Variants in RHPN2 observed in about 807,000 individuals in gnomAD.
RHPN2 encodes the protein rhophilin Rho GTPase binding protein 2.
A neutral mutation model predicts 79.0 loss-of-function variants in RHPN2; 40 were observed. The ratio of observed to expected loss-of-function variants is 0.51; its 90% CI spans 0.39 to 0.66. The LOEUF (loss-of-function observed/expected upper bound fraction) is 0.66. RHPN2 is among the 30% of genes least tolerant of loss of function. The pLI, the probability that RHPN2 is intolerant of heterozygous loss-of-function variation, is 0.00. For missense variants in RHPN2, 686 were observed against 883.5 expected (o/e 0.78, Z 2.83); for synonymous variants, 285 against 363.5 (o/e 0.78, Z 2.46).
At chr19:33,013,263 C>T (rs1971851562) in intron 4 of RHPN2, among the ~76,000 whole-genome samples, 2 of 151,902 alleles carry the variant, frequency 1.3e-5, no homozygotes, top group Non-Finnish European at 2.9e-5. Flanking sequence ...CTTGCGATCT[C>T]GGCTCACTGC....
At chr19:33,064,756 C>T (rs1972313174) in intron 1 of RHPN2, 28 bp downstream of exon 1, 2 of 549,262 alleles carry the variant, frequency 3.6e-6, no homozygotes, top group African/African-American at 2.1e-5. Flanking sequence ...GCCCGCAGGT[C>T]CCCGCCCGCC....
intron 3 of RHPN2, among the ~76,000 whole-genome samples, chr19:33,023,151 C>T (rs1165220471): frequency 6.6e-6 from 1 of 152,084 alleles, no homozygotes; most frequent in East Asian, 1.9e-4. Flanking sequence ...CACAGTAGTG[C>T]AGGCCAGGTG....
chr19:33,001,865 A>C (rs1477074115), intron 9 of RHPN2, among the ~76,000 whole-genome samples: 1 of 152,166 alleles, frequency 6.6e-6, no homozygotes, highest in Non-Finnish European at 1.5e-5. Flanking sequence ...TGGCCTCCCA[A>C]AGTGCTGAGA....
intron 7 of RHPN2, among the ~76,000 whole-genome samples, chr19:33,005,286 G>A (rs1389242934): frequency 6.6e-5 from 10 of 151,438 alleles, no homozygotes; most frequent in East Asian, 3.9e-4. Flanking sequence ...GGTGGTGCAC[G>A]CCTATAATCC....
intron 7 of RHPN2, among the ~76,000 whole-genome samples, chr19:33,006,677 G>C (rs1037177523): frequency 6.6e-6 from 1 of 152,182 alleles, no homozygotes; most frequent in Non-Finnish European, 1.5e-5. Flanking sequence ...GCCCTGCTAT[G>C]GGGGAGCAAG....
chr19:33,057,146 G>A (rs562939664), intron 1 of RHPN2, among the ~76,000 whole-genome samples: 4 of 132,618 alleles, frequency 3.0e-5, no homozygotes, highest in Non-Finnish European at 6.1e-5. Flanking sequence ...AGAGTTCGAG[G>A]CCAGCCCAGG....
intron 7 of RHPN2, among the ~76,000 whole-genome samples, chr19:33,005,412 CAAAAAAAAAAAAAAA>C (rs766044835): frequency 1.6e-5 from 1 of 62,726 alleles, no homozygotes; most frequent in Non-Finnish European, 2.8e-5. Context: ...GATTCTGTCT[CAAAAAAAAAAAAAAA>C]AAAAAAAAAA....
At chr19:33,000,223 T>A (rs924746994) in intron 9 of RHPN2, among the ~76,000 whole-genome samples, 1 of 8,124 alleles carries the variant, frequency 1.2e-4, no homozygotes, top group Admixed American at 7.1e-4. Flanking sequence ...GGTTCATAAT[T>A]TTTTTTTTTT....
chr19:33,030,825 C>T (rs1327029644), intron 2 of RHPN2, among the ~76,000 whole-genome samples: 1 of 152,112 alleles, frequency 6.6e-6, no homozygotes, highest in East Asian at 1.9e-4. Context: ...CGATTCTGAC[C>T]CCAGCTCCCG....
Position 32,990,567 on chromosome 19 carries a change from C to T in RHPN2, c.1747G>A (p.Glu583Lys), listed in dbSNP as rs141778903. ...EVMKLLKSFG[E>K]DEIEMKVVSL... ...ACGACTTTCATCTCGATCTCGTCCT[C>T]GCCAAAGCTCTTCAGCAGCTTCATA... Residue 583 changes from glutamate (E) to lysine (K), a missense_variant, in exon 14 of 15, where the codon GAG becomes AAG. Physicochemically the swap from Glu to Lys is moderately conservative, Grantham distance 56. Coordinates refer to ENST00000254260, the MANE Select transcript of RHPN2 (RefSeq NM_033103.5). The T allele has an allele frequency of 1.6e-4, 253 of 1,613,872 alleles. No homozygotes were observed. In the East Asian group the frequency reaches 5.2e-3, roughly 33 times the overall value.
At chr19:33,043,691 T>C (rs1313754772) in intron 2 of RHPN2, among the ~76,000 whole-genome samples, 2 of 152,186 alleles carry the variant, frequency 1.3e-5, no homozygotes, top group Non-Finnish European at 2.9e-5. Context: ...AGAGGGTTTA[T>C]AGAGGTCTAG....
At chr19:33,022,509 G>A (rs1159213640) in intron 3 of RHPN2, among the ~76,000 whole-genome samples, 3 of 152,116 alleles carry the variant, frequency 2.0e-5, no homozygotes, top group Non-Finnish European at 4.4e-5. Context: ...AGGAGATGCC[G>A]TCAGGGCAGA....
rs757081366 is a variant in RHPN2, at chr19:33,002,859, C to A, written c.902G>T (p.Arg301Leu). Residue 301 changes from arginine (R) to leucine (L), a missense_variant, in exon 8 of 15, where the codon CGG becomes CTG. Physicochemically the swap from Arg to Leu is moderately radical, Grantham distance 102 (BLOSUM62 -2). Coordinates refer to ENST00000254260, the MANE Select transcript of RHPN2 (RefSeq NM_033103.5). ...CTTCACCAGCATGAAGAATTCATTC[C>A]GGATCCCAGGAAGGCTGATTTTCTC... is the stretch of plus-strand genomic sequence containing the variant. ...VFEKISLPGI[R>L]NEFFMLVKVA... 1.4e-5 allele frequency: 23 copies of A among 1,613,770 alleles called. No homozygotes were observed. The highest frequency in any genetic ancestry group is 1.9e-5 in the Non-Finnish European group (22 of 1,179,860).
intron 10 of RHPN2, among the ~76,000 whole-genome samples, chr19:32,998,272 G>A (rs1447512961): frequency 6.6e-6 from 1 of 152,174 alleles, no homozygotes; most frequent in African/African-American, 2.4e-5. Context: ...CAGGGCAGCA[G>A]GATTAAAGTG....
rs182343697 is a variant in RHPN2 at position 33,027,180 on chromosome 19, T to C, written c.186-548A>G. 69 of 157,430 alleles carry C rather than the reference T, an allele frequency of 4.4e-4. 1 individual carries two copies. The highest frequency in any genetic ancestry group is 1.6e-3 in the African/African-American group (56 of 34,552). 9.8% of individuals were successfully genotyped at this position (157,430 alleles called of 1,614,324 possible). ...AAGGCTGAGGCTTGAACCTGGGAGA[T>C]AGGGGTTGCAGTGAGCTGAGATTAT... On this transcript the variant is annotated intron_variant, in intron 2 of 14. Transcript: ENST00000254260.
chr19:32,981,736 T>C (rs1217144399), intron 14 of RHPN2, among the ~76,000 whole-genome samples: 2 of 146,796 alleles, frequency 1.4e-5, no homozygotes, highest in African/African-American at 5.1e-5. Context: ...AGATGGAGTC[T>C]CGCTCTGTCG....
chr19:32,986,034 A>G (rs931324129), intron 14 of RHPN2, among the ~76,000 whole-genome samples: 1 of 152,208 alleles, frequency 6.6e-6, no homozygotes, highest in Non-Finnish European at 1.5e-5. Flanking sequence ...GTGGATTGAA[A>G]TGTAGCTCCT....
At chr19:33,025,697 C>A (rs1007809945) in intron 3 of RHPN2, among the ~76,000 whole-genome samples, 2 of 152,178 alleles carry the variant, frequency 1.3e-5, no homozygotes, top group Admixed American at 6.5e-5. Flanking sequence ...GCTTTTTGTT[C>A]CTTGGCAAAT....
intron 11 of RHPN2, 78 bp from the exon 12 acceptor site, chr19:32,994,131 C>G: frequency 9.3e-7 from 1 of 1,079,860 alleles, no homozygotes; most frequent in Non-Finnish European, 1.4e-6. Context: ...TGTTGTGGCT[C>G]ACGCCTGTAA....
Sources: gnomAD v4.1 joint callset for allele counts (sites outside exome capture counted in the v4.1 genomes callset) on GRCh38, gnomAD v4.1.1 for gene constraint, MANE v1.5 for transcripts, NCBI Gene and HGNC (gene_info 2026-07-23, HGNC 2026-07-21) for gene names.